The following URGCP variants were observed in gnomAD, a reference collection of about 807,000 sequenced individuals.
The protein encoded by URGCP is upregulator of cell proliferation, also known as up-regulator of cell proliferation.
URGCP carries 13 observed loss-of-function variants against 24.6 expected under a neutral mutation model. The ratio of observed to expected loss-of-function variants is 0.53; its 90% CI spans 0.34 to 0.84. URGCP has a LOEUF of 0.84. Among genes scored for constraint, URGCP ranks in the 40% least tolerant of loss-of-function variants. The pLI is 0.01. For synonymous variants in URGCP, 444 were observed against 487.2 expected, an observed-to-expected ratio of 0.91 and a Z score of 1.17; for missense variants, 899 against 1,194.3, an observed-to-expected ratio of 0.75 and a Z score of 3.64.
At chr7:43,925,760 A>G (rs1321482352) in intron 1 of URGCP, among the ~76,000 whole-genome samples, 1 of 146,602 alleles carries the variant, frequency 6.8e-6, no homozygotes, top group Non-Finnish European at 1.5e-5. Flanking sequence ...TCGGCCTCCC[A>G]AAGTGCTGGG....
At chr7:43,891,074 A>G (rs1240382449) in intron 1 of URGCP, among the ~76,000 whole-genome samples, 3 of 152,222 alleles carry the variant, frequency 2.0e-5, no homozygotes, top group Non-Finnish European at 4.4e-5. Context: ...GGTGTTCAGC[A>G]CATAAGTAAT....
In URGCP at chr7:43,876,408, C is replaced by G; in HGVS notation, c.*259G>C. The G allele has an allele frequency of 2.0e-6, 1 of 505,142 alleles. No homozygotes were observed. The highest frequency in any genetic ancestry group is 3.6e-6 in the Non-Finnish European group (1 of 281,200). 31.3% of individuals were successfully genotyped at this position (505,142 alleles called of 1,614,324 possible). A position where few individuals can be genotyped will look rare whatever the true frequency, so the allele number is the denominator to read the frequency against. On this transcript the variant is annotated 3_prime_UTR_variant, in exon 6 of 6. Coordinates refer to ENST00000453200, the MANE Select transcript of URGCP (RefSeq NM_001077663.3). ...CACCCCGCAGGATCCTTGACAGGAG[C>G]TGAGACAGAACAAACTGCTGCTTGT... is the stretch of plus-strand genomic sequence containing the variant.
chr7:43,883,339 TATATATATATATATATATATATA>T (rs1213010431), intron 3 of URGCP, among the ~76,000 whole-genome samples: 19 of 106,362 alleles, frequency 1.8e-4, no homozygotes, highest in African/African-American at 6.0e-4. Flanking sequence ...TATATATACA[TATATATATATATATATATATATA>T]TTTTTTTTTT....
At chr7:43,880,587 G>A (rs76992525) in intron 5 of URGCP, among the ~76,000 whole-genome samples, 1,779 of 152,262 alleles carry the variant, frequency 0.012, 43 homozygotes, top group African/African-American at 0.041. Context: ...GACTACAGGT[G>A]CACAAGACAC....
intron 1 of URGCP, chr7:43,919,364 C>T: frequency 8.2e-6 from 7 of 850,088 alleles, no homozygotes; most frequent in Non-Finnish European, 1.4e-5. Context: ...ACATCCAGAA[C>T]CCATCCTTCT....
intron 1 of URGCP, among the ~76,000 whole-genome samples, chr7:43,922,071 GTTTGT>G (rs2095923094): frequency 6.6e-6 from 1 of 151,100 alleles, no homozygotes; most frequent in South Asian, 2.1e-4. Flanking sequence ...TTCCGTTTTT[GTTTGT>G]TTGTTTGAGA....
chr7:43,906,643 A>G (rs987251025), upstream of URGCP: 1 of 1,128,792 alleles, frequency 8.9e-7, no homozygotes, highest in Non-Finnish European at 1.1e-6. Context: ...GGCGCCGGGG[A>G]GGGGCCTGGC....
At position 43,881,660 on chromosome 7, in the gene URGCP, T is replaced by G. The variant is rs17423654; in HGVS notation, c.201A>C (p.Thr67=). 33 of 1,613,976 alleles carry G rather than the reference T, an allele frequency of 2.0e-5. No homozygotes were observed. Among genetic ancestry groups the G allele is most frequent in the Admixed American group, 3.3e-5 (2 of 59,988 alleles). Residue 67 remains threonine (T), a splice_region_variant and synonymous_variant, in exon 5 of 6, where the codon ACA becomes ACC. Transcript: ENST00000453200. ...AGAAAAGGCAGAGAAAATGCTTACC[T>G]GTTGGAAAATCATTGTCCTGAGCCT... The part of the protein sequence containing the change: ...TNEAQDNDFP[T]VERSRLQEML...
chr7:43,925,018 A>G (rs150174157), intron 1 of URGCP, among the ~76,000 whole-genome samples: 7 of 152,246 alleles, frequency 4.6e-5, no homozygotes, highest in African/African-American at 1.7e-4. Flanking sequence ...TCAACCTCCC[A>G]AAGTGCTGGG....
chr7:43,895,756 T>G (rs1002736312), intron 1 of URGCP, among the ~76,000 whole-genome samples: 1 of 152,222 alleles, frequency 6.6e-6, no homozygotes, highest in Admixed American at 6.5e-5. Context: ...TGTAAGTTAG[T>G]ACAGCCTTTA....
chr7:43,914,415 G>A (rs556670935), intron 1 of URGCP, among the ~76,000 whole-genome samples: 255 of 152,272 alleles, frequency 1.7e-3, no homozygotes, highest in African/African-American at 5.9e-3. Flanking sequence ...TGAGGTGAGA[G>A]CATCTCTTGA....
intron 1 of URGCP, chr7:43,918,775 C>T (rs1348192996): frequency 4.4e-6 from 4 of 917,394 alleles, no homozygotes; most frequent in East Asian, 2.4e-5. Flanking sequence ...CAGCTGTGCA[C>T]TGAGCATGGT....
In URGCP at chr7:43,877,286, C is replaced by T. The variant is rs539757869; in HGVS notation, c.2177G>A (p.Arg726Gln). The stretch of plus-strand genomic sequence containing the variant: ...TGTGATGAGCTGCATGAAGGCCCCT[C>T]GAGGACCGCAGCTCTTCCCTGTGGC... ...RFATGKSCGP[R>Q]GAFMQLITVA... The change falls in exon 6 of 6, where the codon CGA (arginine) becomes CAA (glutamine). Residue 726 changes from arginine (R) to glutamine (Q), a missense_variant. Transcript: ENST00000453200. 8 of 1,613,738 alleles carry T rather than the reference C, an allele frequency of 5.0e-6. No individual in the cohort carries two copies. Among genetic ancestry groups the T allele is most frequent in the East Asian group, 2.2e-5 (1 of 44,880 alleles).
Position 43,925,512 on chromosome 7 carries a change from AT to A in URGCP, c.-116+619del, listed in dbSNP as rs1365292824. 2.6e-5 allele frequency among the ~76,000 whole-genome samples: 4 copies of A among 151,892 alleles called. No individual in the cohort carries two copies. The East Asian group carries it at 7.7e-4, about 29-fold the overall frequency. ...TGTTTTTTTATTTTTATTTTTTATT[AT>A]TTTTGAGACAGAGTCTCGCTCTGTC... On this transcript the variant is annotated intron_variant, in intron 1 of 5. Coordinates refer to the URGCP transcript ENST00000426198.
At chr7:43,901,712 G>A (rs773234718) in intron 1 of URGCP, among the ~76,000 whole-genome samples, 23 of 152,190 alleles carry the variant, frequency 1.5e-4, no homozygotes, top group Non-Finnish European at 3.1e-4. Context: ...ACCCAGTGTA[G>A]AGGGCCTGTG....
rs372287433 is a variant in URGCP, at chr7:43,900,328, G to A, written c.14+6234C>T. ...AAATTAGCCAGGCATGGTGGTGCAC[G>A]CCTGTAATCCCAGCTACTCAGGAGG... On this transcript the variant is annotated intron_variant, in intron 1 of 5. Transcript: ENST00000453200. Among the ~76,000 whole-genome samples, 45 of 151,286 alleles carry A rather than the reference G, an allele frequency of 3.0e-4. No homozygotes were observed. The East Asian group carries it at 7.8e-3, about 26-fold the overall frequency.
upstream of URGCP, among the ~76,000 whole-genome samples, chr7:43,911,416 C>T (rs35335774): frequency 0.075 from 11,402 of 151,572 alleles, 561 homozygotes; most frequent in African/African-American, 0.14. Flanking sequence ...ATAAATAGGG[C>T]CAGGCGCGGT....
chr7:43,883,360 A>ATTTTTTTT (rs1379068898), intron 3 of URGCP, among the ~76,000 whole-genome samples: 13 of 98,228 alleles, frequency 1.3e-4, no homozygotes, highest in Non-Finnish European at 1.8e-4. Context: ...ATATATATAT[A>ATTTTTTTT]TATTTTTTTT....
intron 3 of URGCP, among the ~76,000 whole-genome samples, chr7:43,884,036 G>T (rs1351504285): frequency 6.6e-6 from 1 of 152,222 alleles, no homozygotes; most frequent in Admixed American, 6.5e-5. Flanking sequence ...GATAGGGTTA[G>T]GGTGGTTCTG....
Sources: gnomAD v4.1 joint callset for allele counts (sites outside exome capture counted in the v4.1 genomes callset) on GRCh38, gnomAD v4.1.1 for gene constraint, MANE v1.5 for transcripts, NCBI Gene and HGNC (gene_info 2026-07-23, HGNC 2026-07-21) for gene names.